The following SNAP91 variants were observed in gnomAD, a reference collection of about 807,000 sequenced individuals.
SNAP91 encodes the protein clathrin coat assembly protein AP180.
In SNAP91, 27 loss-of-function variants were observed where a neutral mutation model predicts 100.3. The observed-to-expected ratio is 0.27, with a 90% CI of 0.20 to 0.37. The LOEUF (loss-of-function observed/expected upper bound fraction) is 0.37. SNAP91 is among the 10% of genes least tolerant of loss of function. The pLI, the probability that SNAP91 is intolerant of heterozygous loss-of-function variation, is 1.00. For missense variants in SNAP91, 986 were observed against 1,123.7 expected (o/e 0.88, Z 1.75); for synonymous variants, 404 against 398.6 (o/e 1.01, Z -0.16).
chr6:83,645,258 TA>T (rs2097869113), intron 7 of SNAP91, among the ~76,000 whole-genome samples: 1 of 151,986 alleles, frequency 6.6e-6, no homozygotes, highest in African/African-American at 2.4e-5. Context: ...TTTTTTTTTT[TA>T]GAAAAATACT....
chr6:83,690,697 T>C (rs1029303612), intron 2 of SNAP91, among the ~76,000 whole-genome samples: 1 of 152,098 alleles, frequency 6.6e-6, no homozygotes, highest in Non-Finnish European at 1.5e-5. Flanking sequence ...TCTCATGCTC[T>C]AGGACCTTTC....
intron 10 of SNAP91, 125 bp downstream of exon 10, chr6:83,616,844 C>T: frequency 1.6e-6 from 1 of 611,980 alleles, no homozygotes; most frequent in Non-Finnish European, 2.7e-6. Context: ...TGAGGGAGCC[C>T]AGAAAATTAT....
chr6:83,569,743 T>C (rs1803215321), intron 26 of SNAP91, among the ~76,000 whole-genome samples: 1 of 152,090 alleles, frequency 6.6e-6, no homozygotes, highest in Non-Finnish European at 1.5e-5. Context: ...GCTGTTCCTG[T>C]GGTAGTGAAT....
chr6:83,637,993 C>T (rs1374016431), intron 8 of SNAP91, among the ~76,000 whole-genome samples: 2 of 152,142 alleles, frequency 1.3e-5, no homozygotes, highest in African/African-American at 4.8e-5. Context: ...GGGGGCTGCG[C>T]TGTGGATATC....
At chr6:83,692,976 T>C (rs1400372478) in intron 2 of SNAP91, among the ~76,000 whole-genome samples, 1 of 152,206 alleles carries the variant, frequency 6.6e-6, no homozygotes, top group African/African-American at 2.4e-5. Flanking sequence ...GGTCTCACTA[T>C]GTTGCCCATG....
At chr6:83,568,610 T>C (rs1490670639) in intron 26 of SNAP91, among the ~76,000 whole-genome samples, 2 of 152,220 alleles carry the variant, frequency 1.3e-5, no homozygotes, top group East Asian at 3.9e-4. Context: ...GCAGACGTAG[T>C]TCAATATTCA....
At chr6:83,592,359 C>T (rs2093880976) in intron 21 of SNAP91, 96 bp downstream of exon 21, 2 of 832,150 alleles carry the variant, frequency 2.4e-6, no homozygotes, top group Non-Finnish European at 1.8e-6. Context: ...TTTTATATAG[C>T]CTAAAGAAAA....
chr6:83,627,055 G>A (rs548387542), intron 8 of SNAP91, among the ~76,000 whole-genome samples: 7 of 152,070 alleles, frequency 4.6e-5, no homozygotes, highest in African/African-American at 1.2e-4. Context: ...TTGAGGGTTT[G>A]TATCATGAAG....
At chr6:83,613,598 C>T (rs1444569691) in intron 11 of SNAP91, among the ~76,000 whole-genome samples, 2 of 152,150 alleles carry the variant, frequency 1.3e-5, no homozygotes, top group Non-Finnish European at 2.9e-5. Context: ...AATAACTTTC[C>T]CATGTCTCAT....
At chr6:83,700,987 G>A (rs1404920681) in intron 2 of SNAP91, among the ~76,000 whole-genome samples, 1 of 152,086 alleles carries the variant, frequency 6.6e-6, no homozygotes, top group African/African-American at 2.4e-5. Context: ...AGTAGGCAAT[G>A]CCTGGCATCC....
intron 12 of SNAP91, among the ~76,000 whole-genome samples, chr6:83,609,396 C>A (rs775803652): frequency 5.9e-5 from 9 of 152,146 alleles, no homozygotes; most frequent in Non-Finnish European, 1.3e-4. Flanking sequence ...GGCCTTATAT[C>A]AGAATAAATG....
rs1486339522 is a variant in SNAP91 at position 83,560,185 on chromosome 6, G to A, written c.2550C>T (p.Pro850=). 4 of 1,613,732 alleles carry A rather than the reference G, an allele frequency of 2.5e-6. No individual in the cohort carries two copies. In the Admixed American group the frequency reaches 5.0e-5, roughly 20 times the overall value. The change falls in exon 28 of 30, where the codon CCC becomes CCT. Residue 850 remains proline, a synonymous_variant. Transcript: ENST00000369694. ...ACATGACCGGCTGCTGAGGCATCAT[G>A]GGCATGCCTGTCCCAGCAGGAGGCT... ...FGMPPAGTGM[P]MMPQQPVMFA...
chr6:83,704,042 T>G (rs899023752), intron 2 of SNAP91, among the ~76,000 whole-genome samples: 5 of 152,196 alleles, frequency 3.3e-5, no homozygotes, highest in East Asian at 1.9e-4. Flanking sequence ...CAATACTGGG[T>G]AGGTACTGGG....
intron 20 of SNAP91, 27 bp from the exon 21 acceptor site, chr6:83,592,565 G>C (rs547672251): frequency 1.3e-6 from 2 of 1,570,858 alleles, no homozygotes; most frequent in East Asian, 4.6e-5. Flanking sequence ...ACAGGAAAAA[G>C]TGCATGTCAC....
chr6:83,631,303 A>C (rs915264739), intron 8 of SNAP91, among the ~76,000 whole-genome samples: 12 of 152,140 alleles, frequency 7.9e-5, no homozygotes, highest in African/African-American at 2.9e-4. Flanking sequence ...TATTGAAAAG[A>C]ATGTATATTC....
At chr6:83,701,067 A>G (rs1310171720) in intron 2 of SNAP91, among the ~76,000 whole-genome samples, 2 of 152,188 alleles carry the variant, frequency 1.3e-5, no homozygotes, top group Non-Finnish European at 2.9e-5. Flanking sequence ...AGAGGGGTAC[A>G]GTTGTGTCTG....
At chr6:83,680,803 A>G (rs1305017995) in intron 2 of SNAP91, among the ~76,000 whole-genome samples, 1 of 152,126 alleles carries the variant, frequency 6.6e-6, no homozygotes, top group Non-Finnish European at 1.5e-5. Context: ...TCCCTCCAAG[A>G]CAATCAAAAG....
intron 29 of SNAP91, 46 bp downstream of exon 29, chr6:83,556,097 A>G: frequency 9.6e-7 from 1 of 1,040,720 alleles, no homozygotes; most frequent in Non-Finnish European, 1.5e-6. Flanking sequence ...TAAGCATTGT[A>G]TAGCTCATTA....
chr6:83,700,661 C>G (rs972195502), intron 2 of SNAP91, among the ~76,000 whole-genome samples: 1 of 151,972 alleles, frequency 6.6e-6, no homozygotes, highest in African/African-American at 2.4e-5. Flanking sequence ...TGCTCTGTCA[C>G]TCAGGCTGGA....
Sources: gnomAD v4.1 joint callset for allele counts (sites outside exome capture counted in the v4.1 genomes callset) on GRCh38, gnomAD v4.1.1 for gene constraint, MANE v1.5 for transcripts, NCBI Gene and HGNC (gene_info 2026-07-23, HGNC 2026-07-21) for gene names.